INSL6: variants seen among roughly 807,000 people sequenced by gnomAD.
INSL6 encodes the protein insulin-like peptide INSL6.
In INSL6, 16 loss-of-function variants were observed where a neutral mutation model predicts 9.4. That is an observed-to-expected ratio of 1.70 (90% CI 1.15 to 2.59). INSL6 has a LOEUF of 2.59. Among genes scored for constraint, INSL6 ranks in the 30% most tolerant of loss-of-function variants. The pLI, the probability that INSL6 is intolerant of heterozygous loss-of-function variation, is 0.00. For missense variants in INSL6, 391 were observed against 257.3 expected, an observed-to-expected ratio of 1.52 and a Z score of -3.56; for synonymous variants, 154 against 96.9, an observed-to-expected ratio of 1.59 and a Z score of -3.46.
the INSL6 span, among the ~76,000 whole-genome samples, chr9:5,032,143 G>A: frequency 3.9e-5 from 6 of 152,188 alleles, no homozygotes; most frequent in South Asian, 2.1e-4. Flanking sequence ...ACGGAGCCTC[G>A]CTCATTGCTA....
intron 2 of INSL6, among the ~76,000 whole-genome samples, chr9:5,150,674 A>G (rs1187676730): frequency 6.6e-6 from 1 of 152,152 alleles, no homozygotes; most frequent in Non-Finnish European, 1.5e-5. Flanking sequence ...TTCCCAGAAA[A>G]CTAAAAATAC....
chr9:5,050,472 T>C, the INSL6 span, among the ~76,000 whole-genome samples: 145 of 152,262 alleles, frequency 9.5e-4, no homozygotes, highest in African/African-American at 3.5e-3. Flanking sequence ...GATCTTGCCA[T>C]GTTGCCCAGG....
At chr9:5,163,824 T>G (rs2130904907), downstream of INSL6, 1 of 828,480 alleles carries the variant, frequency 1.2e-6, no homozygotes, top group Non-Finnish European at 1.9e-6. Context: ...ATTTTTCACA[T>G]CATATCACTT....
the INSL6 span, among the ~76,000 whole-genome samples, chr9:5,045,549 T>C: frequency 6.6e-6 from 1 of 152,204 alleles, no homozygotes; most frequent in Non-Finnish European, 1.5e-5. Flanking sequence ...GGAAACTTCA[T>C]ACCCATTAAA....
At chr9:5,167,445 G>C (rs1446527988) in intron 1 of INSL6, among the ~76,000 whole-genome samples, 1 of 152,252 alleles carries the variant, frequency 6.6e-6, no homozygotes, top group Non-Finnish European at 1.5e-5. Flanking sequence ...TGATGCCAGT[G>C]CAGTTTGGAT....
At chr9:5,139,310 G>A (rs1171293318) in intron 2 of INSL6, among the ~76,000 whole-genome samples, 2 of 151,974 alleles carry the variant, frequency 1.3e-5, no homozygotes, top group Non-Finnish European at 2.9e-5. Flanking sequence ...TTCATAGTTG[G>A]ATTACTACAT....
At chr9:5,077,594 C>T in the INSL6 span, 1 of 1,446,140 alleles carries the variant, frequency 6.9e-7, no homozygotes, top group Non-Finnish European at 9.1e-7. Flanking sequence ...AGTAGTACAA[C>T]CTTTTTATCA....
the INSL6 span, among the ~76,000 whole-genome samples, chr9:5,004,183 A>G: frequency 6.6e-6 from 1 of 152,162 alleles, no homozygotes; most frequent in Non-Finnish European, 1.5e-5. Flanking sequence ...AGTATACGAT[A>G]TATTGTTATT....
rs754690248 is a variant in INSL6 at position 5,163,888 on chromosome 9, T to C, written c.*25A>G. 3 of 1,426,396 alleles carry C rather than the reference T, an allele frequency of 2.1e-6. No individual in the cohort carries two copies. In the Admixed American group the frequency reaches 5.2e-5, roughly 24 times the overall value. 88.4% of individuals were successfully genotyped at this position (1,426,396 alleles called of 1,614,324 possible). On this transcript the variant is annotated 3_prime_UTR_variant, in exon 2 of 2. Transcript: ENST00000381641. Reference sequence around the variant, plus strand: ...TTAAATAAATGTATTAAGCTTTTATTAGGTTAGAAAAAATTCTAAGATGGT... The same window carrying C: ...TTAAATAAATGTATTAAGCTTTTATCAGGTTAGAAAAAATTCTAAGATGGT...
At chr9:5,011,866 C>A in the INSL6 span, among the ~76,000 whole-genome samples, 4 of 152,168 alleles carry the variant, frequency 2.6e-5, no homozygotes, top group Non-Finnish European at 5.9e-5. Context: ...GCCATTACTT[C>A]TGGTAAGTGG....
At chr9:5,139,787 A>G (rs1824457620) in intron 2 of INSL6, among the ~76,000 whole-genome samples, 1 of 152,204 alleles carries the variant, frequency 6.6e-6, no homozygotes, top group Non-Finnish European at 1.5e-5. Context: ...AGTGCTCATT[A>G]TACAACAACA....
chr9:5,015,606 T>A, the INSL6 span, among the ~76,000 whole-genome samples: 2 of 151,684 alleles, frequency 1.3e-5, no homozygotes. Context: ...ATGAGCACAA[T>A]CACTGCTCAC....
At chr9:5,172,603 C>A (rs367568089) in intron 1 of INSL6, among the ~76,000 whole-genome samples, 1 of 152,124 alleles carries the variant, frequency 6.6e-6, no homozygotes, top group African/African-American at 2.4e-5. Context: ...GGAACTTAAA[C>A]AAATTTACAA....
At chr9:5,007,263 A>G in the INSL6 span, among the ~76,000 whole-genome samples, 1 of 152,176 alleles carries the variant, frequency 6.6e-6, no homozygotes, top group Non-Finnish European at 1.5e-5. Context: ...ATCTTAGTAT[A>G]CACTTTTACT....
intron 1 of INSL6, among the ~76,000 whole-genome samples, chr9:5,181,295 G>C (rs1440346553): frequency 1.3e-5 from 2 of 151,964 alleles, no homozygotes; most frequent in Admixed American, 6.6e-5. Context: ...ACATCCTATA[G>C]AGTCACAGTA....
At chr9:5,079,920 T>C in the INSL6 span, among the ~76,000 whole-genome samples, 4 of 152,316 alleles carry the variant, frequency 2.6e-5, no homozygotes, top group East Asian at 5.8e-4. Context: ...GATTAGTTGA[T>C]TCAGAACTCA....
chr9:5,065,035 A>T, the INSL6 span: 1 of 1,577,544 alleles, frequency 6.3e-7, no homozygotes, highest in Non-Finnish European at 8.6e-7. Context: ...GTCATGGCCC[A>T]ATTTCGTGAG....
At chr9:5,078,791 A>C in the INSL6 span, among the ~76,000 whole-genome samples, 2 of 152,172 alleles carry the variant, frequency 1.3e-5, no homozygotes, top group Admixed American at 6.5e-5. Context: ...CTAAATAAAA[A>C]TTTAGCCTGA....
At chr9:5,053,272 T>C in the INSL6 span, among the ~76,000 whole-genome samples, 1 of 152,124 alleles carries the variant, frequency 6.6e-6, no homozygotes, top group Non-Finnish European at 1.5e-5. Context: ...TTGTATGCCT[T>C]CTGTAGAGAA....
Sources: allele counts gnomAD v4.1 joint callset (sites outside exome capture counted in the v4.1 genomes callset), GRCh38; gene constraint gnomAD v4.1.1; transcripts MANE v1.5; gene names NCBI Gene and HGNC (gene_info 2026-07-23, HGNC 2026-07-21).